CIMAP1D: variants seen among roughly 807,000 people sequenced by gnomAD.
CIMAP1D encodes the protein protein CIMAP1D.
chr19:464,061 C>T, the CIMAP1D span: 21 of 1,579,354 alleles, frequency 1.3e-5, no homozygotes, highest in Middle Eastern at 1.7e-4. Flanking sequence ...GGCAGGCAGG[C>T]GCTGGCGGTA....
At chr19:488,404 C>T in the CIMAP1D span, among the ~76,000 whole-genome samples, 29 of 152,278 alleles carry the variant, frequency 1.9e-4, no homozygotes, top group Non-Finnish European at 3.5e-4. Context: ...CGCCTGTAGT[C>T]CCAGCTACTC....
At chr19:467,759 G>A in the CIMAP1D span, 1 of 1,591,134 alleles carries the variant, frequency 6.3e-7, no homozygotes, top group African/African-American at 1.3e-5. Context: ...GTCCTGAGGT[G>A]GTGCTGGGGA....
chr19:467,247 G>A, the CIMAP1D span, among the ~76,000 whole-genome samples: 2 of 151,902 alleles, frequency 1.3e-5, no homozygotes, highest in Non-Finnish European at 2.9e-5. Context: ...GTTGGGTGGA[G>A]GGTGGATGGA....
chr19:473,171 CTGAG>C, the CIMAP1D span, among the ~76,000 whole-genome samples: 1 of 102,926 alleles, frequency 9.7e-6, no homozygotes, highest in Non-Finnish European at 2.0e-5. Context: ...AGACTGAGGC[CTGAG>C]CCTCCCAGAG....
chr19:474,637 C>G, the CIMAP1D span: 1 of 1,567,092 alleles, frequency 6.4e-7, no homozygotes, highest in Non-Finnish European at 8.7e-7. Flanking sequence ...CCAGGGTGGC[C>G]GTCCCACAGG....
chr19:486,096 C>G, the CIMAP1D span, among the ~76,000 whole-genome samples: 17 of 152,370 alleles, frequency 1.1e-4, no homozygotes, highest in African/African-American at 4.1e-4. Flanking sequence ...ACAGTGAGGA[C>G]AGGACCAGCT....
the CIMAP1D span, among the ~76,000 whole-genome samples, chr19:483,395 G>A: frequency 6.6e-6 from 1 of 152,118 alleles, no homozygotes; most frequent in Non-Finnish European, 1.5e-5. Flanking sequence ...CTGCCACTGC[G>A]TCTAGCACAG....
the CIMAP1D span, among the ~76,000 whole-genome samples, chr19:464,934 C>T: frequency 1.5e-4 from 12 of 78,658 alleles, no homozygotes; most frequent in Admixed American, 3.7e-4. Flanking sequence ...ATGGATGGAA[C>T]GGTTGATAGG....
the CIMAP1D span, chr19:474,721 G>T: frequency 1.3e-6 from 2 of 1,547,464 alleles, no homozygotes; most frequent in Non-Finnish European, 1.7e-6. Context: ...CCAGCCGTGG[G>T]GTGGAGTCGC....
At chr19:474,599 A>G in the CIMAP1D span, 6 of 1,494,824 alleles carry the variant, frequency 4.0e-6, no homozygotes, top group East Asian at 2.6e-5. Context: ...GGTCCCACCC[A>G]TCCCCCACGG....
the CIMAP1D span, among the ~76,000 whole-genome samples, chr19:471,788 G>A: frequency 2.0e-5 from 3 of 151,320 alleles, no homozygotes; most frequent in Non-Finnish European, 4.4e-5. Flanking sequence ...TGTCGCCCAG[G>A]CTGGAGTGCA....
At chr19:475,986 ATTTT>A in the CIMAP1D span, among the ~76,000 whole-genome samples, 966 of 39,138 alleles carry the variant, frequency 0.025, 8 homozygotes, top group African/African-American at 0.11. Context: ...CGCCTGGCTA[ATTTT>A]TTTTTTTTTT....
the CIMAP1D span, chr19:472,466 C>T: frequency 5.2e-6 from 8 of 1,546,192 alleles, no homozygotes; most frequent in Admixed American, 2.0e-5. Context: ...ATGAAGCCCA[C>T]GGTGGACGGC....
the CIMAP1D span, among the ~76,000 whole-genome samples, chr19:467,395 C>T: frequency 2.0e-5 from 3 of 152,148 alleles, no homozygotes; most frequent in African/African-American, 7.2e-5. Context: ...CCTCCTGACA[C>T]CTAGGCCAGC....
At chr19:473,131 C>A in the CIMAP1D span, among the ~76,000 whole-genome samples, 2 of 130,280 alleles carry the variant, frequency 1.5e-5, no homozygotes, top group Non-Finnish European at 3.2e-5. Context: ...GAGGCCTGAG[C>A]CTCCCAGAGA....
the CIMAP1D span, chr19:463,408 T>A: frequency 4.9e-6 from 1 of 205,540 alleles, no homozygotes; most frequent in Non-Finnish European, 9.5e-6. Flanking sequence ...GAAGGTGGAG[T>A]GGGAAAGGCA....
the CIMAP1D span, among the ~76,000 whole-genome samples, chr19:480,724 G>GA: frequency 9.1e-4 from 130 of 142,326 alleles, 4 homozygotes; most frequent in African/African-American, 2.4e-3. Flanking sequence ...ATGTGGGAAG[G>GA]ATGATGGGAA....
chr19:486,041 G>A, the CIMAP1D span, among the ~76,000 whole-genome samples: 18 of 152,226 alleles, frequency 1.2e-4, no homozygotes, highest in Admixed American at 3.3e-4. Context: ...GAACCTGCCA[G>A]CTCCCCTCCA....
chr19:488,048 C>G, the CIMAP1D span, among the ~76,000 whole-genome samples: 1 of 152,108 alleles, frequency 6.6e-6, no homozygotes, highest in African/African-American at 2.4e-5. Context: ...GACCCTCTCA[C>G]GCGGACCCCC....
Sources: gnomAD v4.1 joint callset for allele counts (sites outside exome capture counted in the v4.1 genomes callset) on GRCh38, gnomAD v4.1.1 for gene constraint, MANE v1.5 for transcripts, NCBI Gene and HGNC (gene_info 2026-07-23, HGNC 2026-07-21) for gene names.